The following ADCY2 variants were observed in gnomAD, a reference collection of about 807,000 sequenced individuals.
The protein encoded by ADCY2 is adenylate cyclase type 2.
In ADCY2, 31 loss-of-function variants were observed where a neutral mutation model predicts 125.2. The observed-to-expected ratio is 0.25, with a 90% CI of 0.19 to 0.33. The LOEUF is 0.33. Among genes scored for constraint, ADCY2 ranks in the 10% least tolerant of loss-of-function variants. The pLI is 1.00. For missense variants in ADCY2, 904 were observed against 1,418.2 expected (o/e 0.64, Z 5.82); for synonymous variants, 512 against 548.4 (o/e 0.93, Z 0.93).
At chr5:7,823,481 A>T (rs1745367185) in intron 24 of ADCY2, among the ~76,000 whole-genome samples, 1 of 152,080 alleles carries the variant, frequency 6.6e-6, no homozygotes, top group Non-Finnish European at 1.5e-5. Flanking sequence ...AGCCTAGTCT[A>T]ATCATTTTCT....
intron 18 of ADCY2, 24 bp downstream of exon 18, chr5:7,773,125 C>G: frequency 6.2e-7 from 1 of 1,610,470 alleles, no homozygotes; most frequent in South Asian, 1.1e-5. Flanking sequence ...TCTTCCTTCT[C>G]TTACTATAGT....
intron 2 of ADCY2, among the ~76,000 whole-genome samples, chr5:7,434,619 C>T (rs1740727177): frequency 6.6e-6 from 1 of 152,214 alleles, no homozygotes. Flanking sequence ...CTCTAAGTGC[C>T]ATCATAGGCT....
At chr5:7,560,205 A>G (rs34916917) in intron 3 of ADCY2, among the ~76,000 whole-genome samples, 45,981 of 152,082 alleles carry the variant, frequency 0.3, 8,147 homozygotes, top group Non-Finnish European at 0.41. Context: ...ACAGCCCTGC[A>G]TTTTGTTTAT....
chr5:7,707,477 C>T, intron 8 of ADCY2, among the ~76,000 whole-genome samples: 1 of 152,214 alleles, frequency 6.6e-6, no homozygotes, highest in East Asian at 1.9e-4. Context: ...TAATTCACCA[C>T]ACCCACCATG....
intron 19 of ADCY2, among the ~76,000 whole-genome samples, chr5:7,788,422 C>T (rs1023680713): frequency 2.0e-5 from 3 of 152,220 alleles, no homozygotes; most frequent in African/African-American, 7.2e-5. Context: ...TCAAGTGACC[C>T]ACCCACCTTG....
At chr5:7,643,466 A>G (rs1449571704) in intron 4 of ADCY2, among the ~76,000 whole-genome samples, 2 of 152,038 alleles carry the variant, frequency 1.3e-5, no homozygotes, top group East Asian at 3.8e-4. Flanking sequence ...TGATATCCAG[A>G]GATACCAAAG....
intron 4 of ADCY2, among the ~76,000 whole-genome samples, chr5:7,665,736 C>T (rs1477124722): frequency 6.6e-6 from 1 of 151,318 alleles, no homozygotes; most frequent in African/African-American, 2.4e-5. Context: ...TGTATTTCAG[C>T]TGCTGCCCGG....
At chr5:7,677,373 T>C (rs140683014) in intron 4 of ADCY2, among the ~76,000 whole-genome samples, 266 of 152,266 alleles carry the variant, frequency 1.7e-3, no homozygotes, top group African/African-American at 6.1e-3. Context: ...GAGCCTGTCA[T>C]CCAAGCTGTG....
In ADCY2 at chr5:7,724,620, T is replaced by A; in HGVS notation, c.1773+6T>A. 6.4e-7 allele frequency: 1 copy of A among 1,561,744 alleles called. No individual in the cohort carries two copies. ...ACAAAGTACTAGAAAAAGAGGTAAG[T>A]TTTTTTCTTCTTCAAAATCATCAAT... On this transcript the variant is annotated splice_donor_region_variant and intron_variant, in intron 13 of 24. Transcript: ENST00000338316.
intron 18 of ADCY2, among the ~76,000 whole-genome samples, chr5:7,779,029 C>G (rs7700884): frequency 0.39 from 59,886 of 152,008 alleles, 12,179 homozygotes; most frequent in Admixed American, 0.52. Flanking sequence ...TCAGCTTTCC[C>G]CACTCTGCCT....
chr5:7,610,378 G>A (rs1737537372), intron 3 of ADCY2, among the ~76,000 whole-genome samples: 1 of 152,128 alleles, frequency 6.6e-6, no homozygotes, highest in Non-Finnish European at 1.5e-5. Context: ...AGGAGAAAGG[G>A]CCCAGCTGCT....
chr5:7,706,030 G>C (rs1225244692), intron 7 of ADCY2, among the ~76,000 whole-genome samples: 1 of 152,286 alleles, frequency 6.6e-6, no homozygotes, highest in South Asian at 2.1e-4. Context: ...TTCTTTCGAT[G>C]TAACTAGGAA....
At position 7,701,476 on chromosome 5, in the gene ADCY2, C is replaced by T. The variant is rs376407182; in HGVS notation, c.1109+3102C>T. ...AAATATGTATACCCTAAATGTTACC[C>T]TTTGAATCATTTTTATGTGTATATA... On this transcript the variant is annotated intron_variant, in intron 7 of 24. Transcript: ENST00000338316. 3.0e-4 allele frequency among the ~76,000 whole-genome samples: 46 copies of T among 152,234 alleles called. 2 individuals carry two copies. In the East Asian group the frequency reaches 5.0e-3, roughly 17 times the overall value.
intron 3 of ADCY2, among the ~76,000 whole-genome samples, chr5:7,589,466 GAA>G (rs1319934237): frequency 2.5e-5 from 1 of 39,854 alleles, no homozygotes. Context: ...GAAAAAGAAA[GAA>G]AGAAAGAAAG....
At chr5:7,731,253 ATTTT>A (rs34190695) in intron 14 of ADCY2, among the ~76,000 whole-genome samples, 3 of 136,688 alleles carry the variant, frequency 2.2e-5, no homozygotes, top group Non-Finnish European at 3.2e-5. Flanking sequence ...TTCCTTGCAG[ATTTT>A]TTTTTTTTTT....
chr5:7,572,197 G>A lies in ADCY2; in HGVS notation c.570+51298G>A, dbSNP rs143525018. Among the ~76,000 whole-genome samples the A allele has an allele frequency of 1.2e-3, 178 of 152,052 alleles. 1 individual carries two copies. Among genetic ancestry groups the A allele is most frequent in the African/African-American group, 4.1e-3 (169 of 41,518 alleles). On this transcript the variant is annotated intron_variant, in intron 3 of 24. Transcript: ENST00000338316. ...GGTTAAATGGTATTTCTATCTTCAG[G>A]TATTTGTGGAATTGCCACACTGGTT...
intron 4 of ADCY2, among the ~76,000 whole-genome samples, chr5:7,684,377 G>T (rs1367177018): frequency 1.3e-5 from 2 of 152,024 alleles, no homozygotes; most frequent in African/African-American, 4.8e-5. Flanking sequence ...CTTATCCAAG[G>T]ATTGAATATT....
chr5:7,772,784 T>G (rs920948825), intron 17 of ADCY2, 148 bp from the exon 18 acceptor site: 2 of 661,084 alleles, frequency 3.0e-6, no homozygotes, highest in African/African-American at 3.7e-5. Flanking sequence ...CATTTACCAC[T>G]GGATCAAAGA....
intron 4 of ADCY2, among the ~76,000 whole-genome samples, chr5:7,673,367 G>A (rs1302887134): frequency 6.9e-6 from 1 of 145,500 alleles, no homozygotes; most frequent in African/African-American, 2.5e-5. Flanking sequence ...TGAGCTCGGA[G>A]GTGGAGGTTG....
Sources: gnomAD v4.1 joint callset for allele counts (sites outside exome capture counted in the v4.1 genomes callset) on GRCh38, gnomAD v4.1.1 for gene constraint, MANE v1.5 for transcripts, NCBI Gene and HGNC (gene_info 2026-07-23, HGNC 2026-07-21) for gene names.